The following DNAJC6 variants were observed in gnomAD, a reference collection of about 807,000 sequenced individuals.
DNAJC6 encodes auxilin.
A neutral mutation model predicts 110.0 loss-of-function variants in DNAJC6; 34 were observed. The observed-to-expected ratio is 0.31, with a 90% CI of 0.24 to 0.41. The LOEUF is 0.41. Among genes scored for constraint, DNAJC6 ranks in the 10% least tolerant of loss-of-function variants. The probability of loss-of-function intolerance (pLI) is 1.00; values close to 1 mark genes in which losing one functional copy is unlikely to be tolerated. For missense variants in DNAJC6, 1,031 were observed against 1,207.8 expected, an observed-to-expected ratio of 0.85 and a Z score of 2.17; for synonymous variants, 406 against 437.2, an observed-to-expected ratio of 0.93 and a Z score of 0.89.
intron 2 of DNAJC6, 62 bp downstream of exon 2, chr1:65,364,847 T>C: frequency 6.3e-7 from 1 of 1,584,604 alleles, no homozygotes; most frequent in Non-Finnish European, 8.6e-7. Flanking sequence ...TCTGGTTACC[T>C]GCTGACTGCT....
chr1:65,349,083 TATATGTAAATATATATATAAATAA>T (rs199911852), intron 1 of DNAJC6, among the ~76,000 whole-genome samples: 14 of 137,568 alleles, frequency 1.0e-4, no homozygotes, highest in East Asian at 2.0e-4. Context: ...TATAAAAATA[TATATGTAAATATATATATAAATAA>T]ATATGTAAAT....
At position 65,386,046 on chromosome 1, in the gene DNAJC6, G is replaced by A. The variant is rs1038561446; in HGVS notation, c.995+140G>A. The stretch of plus-strand genomic sequence containing the variant: ...ATATAAAAAATGTTCAACATCAGTG[G>A]TAATCATAGAAAAGTACAAGTAAAT... On this transcript the variant is annotated intron_variant, in intron 7 of 18. Transcript: ENST00000371069. 3 of 903,974 alleles carry A rather than the reference G, an allele frequency of 3.3e-6. No individual in the cohort carries two copies. In the African/African-American group the frequency reaches 5.0e-5, roughly 15 times the overall value. The allele number at this position is 903,974 out of a possible 1,614,324, so 56.0% of individuals were successfully genotyped here.
At position 65,384,257 on chromosome 1, in the gene DNAJC6, C is replaced by A; in HGVS notation, c.731C>A (p.Thr244Asn). 1 of 1,589,918 alleles carries A rather than the reference C, an allele frequency of 6.3e-7. No homozygotes were observed. The highest frequency in any genetic ancestry group is 8.5e-7 in the Non-Finnish European group (1 of 1,169,746). ...TTCATTTTCTGTAATCTCTACTCTA[C>A]TCCTGGCCCAGCCATTCGATTGCTA... ...AMFIFCNLYS[T>N]PGPAIRLLYA... is the part of the protein sequence containing the mutation. The change falls in exon 6 of 19, where the codon ACT becomes AAT. Residue 244 changes from threonine (T) to asparagine (N), a missense_variant. Coordinates refer to ENST00000371069, the MANE Select transcript of DNAJC6 (RefSeq NM_001256864.2).
chr1:65,264,919 T>G, exon 1 of DNAJC6: 1 of 1,613,106 alleles, frequency 6.2e-7, no homozygotes, highest in Non-Finnish European at 8.5e-7. Context: ...GAATGAAAGA[T>G]TCTGAAAATA....
intron 1 of DNAJC6, among the ~76,000 whole-genome samples, chr1:65,294,886 GA>G (rs935067604): frequency 6.6e-6 from 1 of 152,050 alleles, no homozygotes; most frequent in African/African-American, 2.4e-5. Flanking sequence ...GTTATAGCCA[GA>G]AAAAAAGTAT....
At chr1:65,335,597 G>A (rs1177031480) in intron 1 of DNAJC6, among the ~76,000 whole-genome samples, 1 of 152,194 alleles carries the variant, frequency 6.6e-6, no homozygotes, top group African/African-American at 2.4e-5. Context: ...GAGGAGGGAA[G>A]CCGCGTGGCT....
At chr1:65,334,913 A>T (rs1645321113) in intron 1 of DNAJC6, among the ~76,000 whole-genome samples, 1 of 152,220 alleles carries the variant, frequency 6.6e-6, no homozygotes, top group South Asian at 2.1e-4. Context: ...ATCACCTACA[A>T]GATAAAATTC....
chr1:65,368,684 C>T (rs1036799505), intron 4 of DNAJC6, among the ~76,000 whole-genome samples: 1 of 129,484 alleles, frequency 7.7e-6, no homozygotes, highest in Non-Finnish European at 1.6e-5. Flanking sequence ...TCCCTTCCTC[C>T]CTTCCTCCTC....
intron 1 of DNAJC6, among the ~76,000 whole-genome samples, chr1:65,326,361 G>A (rs955684437): frequency 1.3e-5 from 2 of 152,218 alleles, no homozygotes; most frequent in African/African-American, 2.4e-5. Context: ...TTCAGAGAAG[G>A]TAGAGATGGG....
rs752144318 is a variant in DNAJC6, at chr1:65,364,792, A to G, written c.344+7A>G. ...TGATACAATCTGTGACCAGGTACGC[A>G]CATTCTTCCCAGTTAATTTAGTGGA... On this transcript the variant is annotated splice_region_variant and intron_variant, in intron 2 of 18. Transcript: ENST00000371069. The G allele has an allele frequency of 3.1e-6, 5 of 1,611,112 alleles. No homozygotes were observed. In the South Asian group the frequency reaches 5.5e-5, roughly 18 times the overall value.
intron 4 of DNAJC6, 109 bp from the exon 5 acceptor site, chr1:65,379,290 ATAT>A (rs1645795734): frequency 7.5e-7 from 1 of 1,327,788 alleles, no homozygotes; most frequent in Non-Finnish European, 1.0e-6. Flanking sequence ...ATTCCTATCT[ATAT>A]TAAGAGAGGA....
intron 1 of DNAJC6, among the ~76,000 whole-genome samples, chr1:65,299,166 T>C (rs925687636): frequency 3.9e-5 from 6 of 152,174 alleles, no homozygotes; most frequent in African/African-American, 1.4e-4. Context: ...AATAATAAAA[T>C]AAAAATACCC....
At chr1:65,269,973 T>C (rs1351101665) in intron 1 of DNAJC6, among the ~76,000 whole-genome samples, 2 of 152,346 alleles carry the variant, frequency 1.3e-5, no homozygotes, top group Middle Eastern at 3.4e-3. Flanking sequence ...TAGTAAAACC[T>C]TCTATACTTT....
intron 1 of DNAJC6, among the ~76,000 whole-genome samples, chr1:65,352,086 T>C (rs1645496188): frequency 6.6e-6 from 1 of 152,196 alleles, no homozygotes; most frequent in African/African-American, 2.4e-5. Flanking sequence ...TTTCAATATG[T>C]AGTTTTATAT....
chr1:65,367,260 G>C (rs975734180), intron 4 of DNAJC6, among the ~76,000 whole-genome samples: 5 of 152,206 alleles, frequency 3.3e-5, no homozygotes, highest in Non-Finnish European at 5.9e-5. Context: ...AGCTTCCTGG[G>C]GGCTGCTCCT....
In DNAJC6 at chr1:65,386,920, A is replaced by G; in HGVS notation, c.1104A>G (p.Leu368=). ...TGAGGTCAACCATTGGGAGCCGGCT[A>G]CAGGCTAAGGTATGGTTTTTGGAAG... ...YHLRSTIGSR[L]QAKVTNTQIF... is the part of the protein sequence containing the mutation. Residue 368 remains leucine (L), a synonymous_variant, in exon 8 of 19, where the codon CTA becomes CTG. Transcript: ENST00000371069. 1.2e-6 allele frequency: 2 copies of G among 1,613,822 alleles called. No individual in the cohort carries two copies. Among genetic ancestry groups the G allele is most frequent in the South Asian group, 1.1e-5 (1 of 91,076 alleles).
chr1:65,278,607 C>T (rs1303043416), intron 1 of DNAJC6, among the ~76,000 whole-genome samples: 3 of 152,122 alleles, frequency 2.0e-5, no homozygotes, highest in East Asian at 1.9e-4. Context: ...GGTTTGTTCA[C>T]GTTTCAGTAT....
At chr1:65,392,106 T>C (rs1645932865) in intron 11 of DNAJC6, among the ~76,000 whole-genome samples, 1 of 152,134 alleles carries the variant, frequency 6.6e-6, no homozygotes, top group East Asian at 1.9e-4. Flanking sequence ...CCCACTTTGC[T>C]GAGGAGGAAA....
chr1:65,415,449 A>AAC lies in DNAJC6; in HGVS notation c.*2460_*2461dup, dbSNP rs68183979. On this transcript the variant is annotated 3_prime_UTR_variant, in exon 19 of 19. Coordinates refer to ENST00000371069, the MANE Select transcript of DNAJC6 (RefSeq NM_001256864.2). ...ATTTATACGTAATCACTCCTGCCCC[A>AAC]ACACACACACACACACACACACACA... 43,693 of 144,192 alleles carry AAC rather than the reference A, an allele frequency of 0.3. 7,072 individuals carry two copies. Among genetic ancestry groups the AAC allele is most frequent in the East Asian group, 0.6 (2,925 of 4,898 alleles). The allele number at this position is 144,192 out of a possible 1,614,324, so 8.9% of individuals were successfully genotyped here. A position where few individuals can be genotyped will look rare whatever the true frequency, so the allele number is the denominator to read the frequency against.
Sources: allele counts gnomAD v4.1 joint callset (sites outside exome capture counted in the v4.1 genomes callset), GRCh38; gene constraint gnomAD v4.1.1; transcripts MANE v1.5; gene names NCBI Gene and HGNC (gene_info 2026-07-23, HGNC 2026-07-21).